The following PSMA4 variants were observed in gnomAD, a reference collection of about 807,000 sequenced individuals.
PSMA4 encodes the protein proteasome 20S subunit alpha 4.
Under a neutral mutation model 37.2 loss-of-function variants are expected in PSMA4, and 8 were observed. The observed-to-expected ratio is 0.22, with a 90% CI of 0.13 to 0.39. The LOEUF (loss-of-function observed/expected upper bound fraction) is 0.39. PSMA4 is among the 10% of genes least tolerant of loss of function. The pLI is 1.00. For missense variants in PSMA4, 169 were observed against 305.1 expected (o/e 0.55, Z 3.32); for synonymous variants, 93 against 98.8 (o/e 0.94, Z 0.35).
rs772506867 is a variant in PSMA4, at chr15:78,542,434, G to A, written c.47-49G>A. ...TGCTGATTTCTTTTGGGCCAGTGGTGCAGGAGCACAGAGGAGAGTCTTGGC... is the reference window on the plus strand; with the variant it reads ...TGCTGATTTCTTTTGGGCCAGTGGTACAGGAGCACAGAGGAGAGTCTTGGC... On this transcript the variant is annotated intron_variant, in intron 3 of 8. Transcript: ENST00000044462. 1.2e-5 allele frequency: 19 copies of A among 1,582,686 alleles called. No homozygotes were observed. In the South Asian group the frequency reaches 2.2e-4, roughly 18 times the overall value.
rs775637594 is a variant in PSMA4 at position 78,541,890 on chromosome 15, A to T, written c.-23-15A>T. 1.3e-6 allele frequency: 2 copies of T among 1,554,718 alleles called. No individual in the cohort carries two copies. The highest frequency in any genetic ancestry group is 8.9e-7 in the Non-Finnish European group (1 of 1,128,788). ...TGAATCTTATTTTAATGATGATCTG[A>T]TTTTCTTTTTACAGGAACTATATAA... On this transcript the variant is annotated splice_polypyrimidine_tract_variant and intron_variant, in intron 1 of 8. Transcript: ENST00000044462.
chr15:78,546,314 T>C (rs1339523977), intron 7 of PSMA4, among the ~76,000 whole-genome samples: 1 of 151,972 alleles, frequency 6.6e-6, no homozygotes, highest in Admixed American at 6.6e-5. Flanking sequence ...CGCCATGGCA[T>C]GTGCCTGTAA....
chr15:78,551,426 G>C lies in PSMA4; in HGVS notation c.*2482G>C, dbSNP rs1157603956. On this transcript the variant is annotated 3_prime_UTR_variant, in exon 9 of 9. Coordinates refer to ENST00000044462, the MANE Select transcript of PSMA4 (RefSeq NM_002789.6). ...CCTCTGCCTTGGGAATGCTCTTCCTGGGTATCTATTGCCCACTCCCTCATC... is the reference window on the plus strand; with the variant it reads ...CCTCTGCCTTGGGAATGCTCTTCCTCGGTATCTATTGCCCACTCCCTCATC... 6.6e-6 allele frequency: 1 copy of C among 151,764 alleles called. No homozygotes were observed. The highest frequency in any genetic ancestry group is 1.5e-5 in the Non-Finnish European group (1 of 68,038). The allele number at this position is 151,764 out of a possible 1,614,324, so 9.4% of individuals were successfully genotyped here. A position where few individuals can be genotyped will look rare whatever the true frequency, so the allele number is the denominator to read the frequency against.
rs903057105 is a variant in PSMA4 at position 78,544,856 on chromosome 15, C to T, written c.288-13C>T. 33 of 1,566,458 alleles carry T rather than the reference C, an allele frequency of 2.1e-5. No individual in the cohort carries two copies. Among genetic ancestry groups the T allele is most frequent in the Non-Finnish European group, 2.9e-5 (33 of 1,140,132 alleles). ...TAGAGAAAACTACTAATGTGCCCAT[C>T]TCTTTATCCTAGGTATTTATTACAG... On this transcript the variant is annotated splice_polypyrimidine_tract_variant and intron_variant, in intron 5 of 8. Coordinates refer to ENST00000044462, the MANE Select transcript of PSMA4 (RefSeq NM_002789.6).
At chr15:78,545,556 A>C (rs2052537256) in intron 6 of PSMA4, 78 bp from the exon 7 acceptor site, 1 of 1,493,940 alleles carries the variant, frequency 6.7e-7, no homozygotes, top group African/African-American at 1.4e-5. Flanking sequence ...GGGTTTAGCT[A>C]CCTTCACTGA....
At chr15:78,544,150 A>C (rs374696938) in intron 4 of PSMA4, 40 bp from the exon 5 acceptor site, 1 of 1,485,070 alleles carries the variant, frequency 6.7e-7, no homozygotes, top group Non-Finnish European at 9.4e-7. Flanking sequence ...CCTTGCAAGC[A>C]TCTTCCCTGC....
intron 4 of PSMA4, 113 bp downstream of exon 4, chr15:78,542,758 CT>C: frequency 9.5e-7 from 1 of 1,054,074 alleles, no homozygotes; most frequent in Non-Finnish European, 1.3e-6. Flanking sequence ...GAAATTGTGC[CT>C]TTATTTTGCT....
Position 78,549,212 on chromosome 15 carries a change from T to A in PSMA4, c.*268T>A, listed in dbSNP as rs2052610128. On this transcript the variant is annotated 3_prime_UTR_variant, in exon 9 of 9. Transcript: ENST00000044462. ...TGGAAATGAAGGAATAAATTCTCTG[T>A]AGCAGTAATTGTTAAATATACAAAA... 2 of 291,314 alleles carry A rather than the reference T, an allele frequency of 6.9e-6. No homozygotes were observed. Among genetic ancestry groups the A allele is most frequent in the South Asian group, 2.6e-4 (2 of 7,608 alleles). 18.0% of individuals were successfully genotyped at this position (291,314 alleles called of 1,614,324 possible). A position where few individuals can be genotyped will look rare whatever the true frequency, so the allele number is the denominator to read the frequency against.
chr15:78,545,228 T>C (rs1282992729), intron 6 of PSMA4, among the ~76,000 whole-genome samples: 1 of 152,228 alleles, frequency 6.6e-6, no homozygotes, highest in African/African-American at 2.4e-5. Flanking sequence ...GAAACTAATA[T>C]GTTATGGTTA....
rs1658193366 is a variant in PSMA4 at position 78,551,360 on chromosome 15, T to C, written c.*2416T>C. On this transcript the variant is annotated 3_prime_UTR_variant, in exon 9 of 9. Coordinates refer to ENST00000044462, the MANE Select transcript of PSMA4 (RefSeq NM_002789.6). ...TCATCCAAATGAGCCTTCTCATCAT[T>C]CCCTGAATGTGCCAAGCTCCCCTCA... 6.6e-6 allele frequency: 1 copy of C among 152,082 alleles called. No homozygotes were observed. The highest frequency in any genetic ancestry group is 1.5e-5 in the Non-Finnish European group (1 of 68,112). The allele number at this position is 152,082 out of a possible 1,614,324, so 9.4% of individuals were successfully genotyped here.
At position 78,544,592 on chromosome 15, in the gene PSMA4, C is replaced by A. The variant is rs1409500109; in HGVS notation, c.288-277C>A. 15 of 450,064 alleles carry A rather than the reference C, an allele frequency of 3.3e-5. No homozygotes were observed. The East Asian group carries it at 5.5e-4, about 17-fold the overall frequency. The allele number at this position is 450,064 out of a possible 1,614,324, so 27.9% of individuals were successfully genotyped here. A position where few individuals can be genotyped will look rare whatever the true frequency, so the allele number is the denominator to read the frequency against. ...GGGATTACAGGCATTAGCCACTGCA[C>A]CTGGCCTAGTTTTGATGTTTCTAAG... On this transcript the variant is annotated intron_variant, in intron 5 of 8. Coordinates refer to ENST00000044462, the MANE Select transcript of PSMA4 (RefSeq NM_002789.6).
intron 6 of PSMA4, 60 bp downstream of exon 6, chr15:78,545,017 C>G: frequency 8.3e-7 from 1 of 1,199,078 alleles, no homozygotes; most frequent in Admixed American, 2.5e-5. Flanking sequence ...GAGTTATAAC[C>G]CTTTTGAGGT....
chr15:78,542,827 C>A (rs1237671072), intron 4 of PSMA4, 182 bp downstream of exon 4: 1 of 599,978 alleles, frequency 1.7e-6, no homozygotes, highest in Non-Finnish European at 2.9e-6. Flanking sequence ...AGGGCAAACA[C>A]TTAGTGGAGA....
chr15:78,542,740 G>A (rs944613747), intron 4 of PSMA4, 95 bp downstream of exon 4: 5 of 1,215,646 alleles, frequency 4.1e-6, no homozygotes, highest in Non-Finnish European at 4.6e-6. Context: ...GTGCGATGTG[G>A]TAGAATTGAA....
chr15:78,542,529 A>G lies in PSMA4; in HGVS notation c.93A>G (p.Ala31=). ...VEYAMEAIGH[A]GTCLGILAND... is the part of the protein sequence containing the mutation. Reference sequence around the variant, plus strand: ...ATGCCATGGAAGCTATTGGACATGCAGGCACCTGTTTGGGAATTTTAGCAA... The same window carrying G: ...ATGCCATGGAAGCTATTGGACATGCGGGCACCTGTTTGGGAATTTTAGCAA... The change falls in exon 4 of 9, where the codon GCA becomes GCG. Residue 31 remains alanine (A), a synonymous_variant. Coordinates refer to ENST00000044462, the MANE Select transcript of PSMA4 (RefSeq NM_002789.6). 1 of 1,614,190 alleles carries G rather than the reference A, an allele frequency of 6.2e-7. No homozygotes were observed.
Position 78,541,718 on chromosome 15 carries a change from C to T in PSMA4, c.-23-187C>T, listed in dbSNP as rs940830682. The T allele has an allele frequency of 5.1e-6, 3 of 584,806 alleles. No individual in the cohort carries two copies. In the African/African-American group the frequency reaches 5.9e-5, roughly 11 times the overall value. The allele number at this position is 584,806 out of a possible 1,614,324, so 36.2% of individuals were successfully genotyped here. A position where few individuals can be genotyped will look rare whatever the true frequency, so the allele number is the denominator to read the frequency against. Reference sequence around the variant, plus strand: ...CATTATAATCTATGACTGCCTCTCTCACCTAACTGCCAGTATTAGCTTTTC... The same window carrying T: ...CATTATAATCTATGACTGCCTCTCTTACCTAACTGCCAGTATTAGCTTTTC... On this transcript the variant is annotated intron_variant, in intron 1 of 8. Transcript: ENST00000044462.
rs756597659 is a variant in PSMA4 at position 78,544,928 on chromosome 15, A to G, written c.347A>G (p.Asp116Gly). The change falls in exon 6 of 9, where the codon GAT (aspartate) becomes GGT (glycine). Residue 116 changes from aspartate to glycine, a missense_variant. Around this residue, in one of 2 missense-constraint regions of PSMA4, gnomAD observed 79 missense variants for 212.4 expected, o/e 0.37. Coordinates refer to ENST00000044462, the MANE Select transcript of PSMA4 (RefSeq NM_002789.6). ...GAGCAGTTGGTTACAGCGCTGTGTG[A>G]TATCAAACAAGCTTATACACAATTT... ...PCEQLVTALC[D>G]IKQAYTQFGG... is the part of the protein sequence containing the mutation. 6.2e-7 allele frequency: 1 copy of G among 1,609,486 alleles called. No individual in the cohort carries two copies. The highest frequency in any genetic ancestry group is 8.5e-7 in the Non-Finnish European group (1 of 1,177,620).
At chr15:78,542,243 G>C (rs1438221354) in intron 3 of PSMA4, 24 bp downstream of exon 3, 1 of 1,571,966 alleles carries the variant, frequency 6.4e-7, no homozygotes, top group Non-Finnish European at 8.6e-7. Flanking sequence ...TGTTTAATCT[G>C]CCTCAAGTTT....
intron 8 of PSMA4, 132 bp downstream of exon 8, chr15:78,546,830 A>G: frequency 1.2e-5 from 11 of 945,650 alleles, no homozygotes; most frequent in Non-Finnish European, 1.7e-5. Context: ...CAGTGGCGCA[A>G]TCTCAGCTCA....
Sources: gnomAD v4.1 joint callset for allele counts (sites outside exome capture counted in the v4.1 genomes callset) on GRCh38, gnomAD v4.1.1 for gene constraint, gnomAD v4.1.1 regional missense constraint, MANE v1.5 for transcripts, NCBI Gene and HGNC (gene_info 2026-07-23, HGNC 2026-07-21) for gene names.